MFHAS1: variants seen among roughly 807,000 people sequenced by gnomAD.
The protein encoded by MFHAS1 is multifunctional ROCO family signaling regulator 1.
MFHAS1 carries 50 observed loss-of-function variants against 70.4 expected under a neutral mutation model. That is an observed-to-expected ratio of 0.71 (90% CI 0.57 to 0.90). The LOEUF (loss-of-function observed/expected upper bound fraction) is 0.90. Among genes scored for constraint, MFHAS1 ranks in the 40% least tolerant of loss-of-function variants. MFHAS1 has a pLI of 0.00. For missense variants in MFHAS1, 1,795 were observed against 1,347.6 expected (o/e 1.33, Z -5.20); for synonymous variants, 952 against 620.0 (o/e 1.54, Z -7.96).
intron 1 of MFHAS1, among the ~76,000 whole-genome samples, chr8:8,883,777 G>T (rs1404281737): frequency 6.9e-6 from 1 of 144,626 alleles, no homozygotes; most frequent in Non-Finnish European, 1.5e-5. Context: ...TAGATGAGAA[G>T]AAAAACAGAA....
intron 1 of MFHAS1, among the ~76,000 whole-genome samples, chr8:8,864,061 T>C (rs1808766184): frequency 6.6e-6 from 1 of 152,182 alleles, no homozygotes; most frequent in South Asian, 2.1e-4. Flanking sequence ...TCCCACTATA[T>C]AAGCCCCCAA....
chr8:8,804,292 T>C (rs555114924), intron 1 of MFHAS1, among the ~76,000 whole-genome samples: 1 of 152,218 alleles, frequency 6.6e-6, no homozygotes, highest in Non-Finnish European at 1.5e-5. Context: ...AGGAATCCAC[T>C]GAGTTCTGGG....
At position 8,890,725 on chromosome 8, in the gene MFHAS1, T is replaced by C. The variant is rs1809971846; in HGVS notation, c.2334A>G (p.Glu778=). 6.8e-6 allele frequency: 11 copies of C among 1,613,712 alleles called. No homozygotes were observed. In the East Asian group the frequency reaches 2.5e-4, roughly 36 times the overall value. ...GATGGAGCTGGGTGGCCCGGAGCAGTTCCTGGCTGGGGGTGGACCGCGCCA... is the reference window on the plus strand; with the variant it reads ...GATGGAGCTGGGTGGCCCGGAGCAGCTCCTGGCTGGGGGTGGACCGCGCCA... The part of the protein sequence containing the change: ...PPMARSTPSQ[E]LLRATQLHQY... Residue 778 remains glutamate, a synonymous_variant, in exon 1 of 3, where the codon GAA becomes GAG. Transcript: ENST00000276282.
At chr8:8,888,256 G>C (rs73662205) in intron 1 of MFHAS1, among the ~76,000 whole-genome samples, 300 of 152,178 alleles carry the variant, frequency 2.0e-3, no homozygotes, top group African/African-American at 6.3e-3. Flanking sequence ...CTAGATCCAG[G>C]GCAACGGAAA....
chr8:8,822,420 G>A lies in MFHAS1; in HGVS notation c.2999-24929C>T, dbSNP rs552751831. Among the ~76,000 whole-genome samples, 4 of 151,538 alleles carry A rather than the reference G, an allele frequency of 2.6e-5. No homozygotes were observed. The South Asian group carries it at 8.4e-4, about 32-fold the overall frequency. On this transcript the variant is annotated intron_variant, in intron 1 of 2. Transcript: ENST00000276282. The stretch of plus-strand genomic sequence containing the variant: ...GGCAGGGGATGGAGCGGGAGACAGG[G>A]GACCACGCCAGGGGCACTGAGATGG...
In MFHAS1 at chr8:8,891,148, G is replaced by A; in HGVS notation, c.1911C>T (p.Arg637=). 6.2e-7 allele frequency: 1 copy of A among 1,613,690 alleles called. No homozygotes were observed. Among genetic ancestry groups the A allele is most frequent in the Non-Finnish European group, 8.5e-7 (1 of 1,180,042 alleles). The change falls in exon 1 of 3, where the codon CGC becomes CGT. Residue 637 remains arginine (R), a synonymous_variant. Transcript: ENST00000276282. The surrounding 1 kb of genome is among the most constrained non-coding windows in gnomAD (Gnocchi z 5.4). ...CAACTGACAGCAACTTGTCCCGAAG[G>A]CGTCGTAAGTGGCGCGGGTCCCTGC... ...VSCRDPRHLR[R]LRDKLLSVAE... is the part of the protein sequence containing the mutation.
intron 1 of MFHAS1, among the ~76,000 whole-genome samples, chr8:8,826,456 G>A (rs1427024901): frequency 2.0e-5 from 3 of 152,210 alleles, no homozygotes; most frequent in Non-Finnish European, 4.4e-5. Context: ...AGTTGGGCCA[G>A]GCATGGTGGC....
chr8:8,875,826 A>G (rs912971074), intron 1 of MFHAS1, among the ~76,000 whole-genome samples: 1 of 152,112 alleles, frequency 6.6e-6, no homozygotes, highest in Non-Finnish European at 1.5e-5. Context: ...TGACCTCGTG[A>G]TCCGCCCGCC....
rs34792841 is a variant in MFHAS1, at chr8:8,854,684, C to CA, written c.2998+35376dup. On this transcript the variant is annotated intron_variant, in intron 1 of 2. Transcript: ENST00000276282. ...TGGATGACAGAGGGGGACTTTGTCT[C>CA]AAAAAAAAAAAAAGGAAGAAAGAAA... Among the ~76,000 whole-genome samples, 200 of 139,998 alleles carry CA rather than the reference C, an allele frequency of 1.4e-3. 1 individual carries two copies. Among genetic ancestry groups the CA allele is most frequent in the Middle Eastern group, 3.8e-3 (1 of 264 alleles). The allele number at this position is 139,998 out of a possible 152,430, so 91.8% of individuals were successfully genotyped here.
chr8:8,829,843 T>C (rs550608854), intron 1 of MFHAS1, among the ~76,000 whole-genome samples: 3 of 152,284 alleles, frequency 2.0e-5, no homozygotes, highest in Admixed American at 6.5e-5. Context: ...TGAACAGAAC[T>C]GTCCACAAAT....
chr8:8,817,324 T>C (rs1806783920), intron 1 of MFHAS1, among the ~76,000 whole-genome samples: 3 of 152,190 alleles, frequency 2.0e-5, no homozygotes, highest in African/African-American at 7.2e-5. Context: ...ACCTCCAAGC[T>C]CTTTGTTAAT....
At chr8:8,799,545 C>T (rs1439260043) in intron 1 of MFHAS1, among the ~76,000 whole-genome samples, 1 of 152,166 alleles carries the variant, frequency 6.6e-6, no homozygotes, top group Non-Finnish European at 1.5e-5. Context: ...CGCTTGAGCC[C>T]AGGAGTTCAA....
chr8:8,820,453 G>C (rs1049194209), intron 1 of MFHAS1, among the ~76,000 whole-genome samples: 1 of 152,194 alleles, frequency 6.6e-6, no homozygotes, highest in East Asian at 1.9e-4. Context: ...AGTCAGGTTA[G>C]CGTGAGAATG....
chr8:8,830,899 T>C (rs1365173898), intron 1 of MFHAS1, among the ~76,000 whole-genome samples: 2 of 152,182 alleles, frequency 1.3e-5, no homozygotes, highest in East Asian at 1.9e-4. Flanking sequence ...GCCCAGCCAA[T>C]ATTCTCAGTA....
intron 1 of MFHAS1, among the ~76,000 whole-genome samples, chr8:8,881,807 C>G (rs1809535015): frequency 6.8e-6 from 1 of 146,036 alleles, no homozygotes; most frequent in Admixed American, 6.9e-5. Flanking sequence ...CAGAGTAAGA[C>G]TCCGTCTCAA....
intron 2 of MFHAS1, among the ~76,000 whole-genome samples, chr8:8,796,654 A>T: frequency 7.6e-6 from 1 of 132,230 alleles, no homozygotes; most frequent in Admixed American, 8.8e-5. Context: ...ACTGCACTCC[A>T]GCCTGGGCGA....
chr8:8,888,467 G>C (rs576188983), intron 1 of MFHAS1, among the ~76,000 whole-genome samples: 8 of 151,804 alleles, frequency 5.3e-5, no homozygotes, highest in Non-Finnish European at 8.8e-5. Flanking sequence ...TTGTGCTTAG[G>C]ACACTTGGAA....
rs758148321 is a variant in MFHAS1 at position 8,891,691 on chromosome 8, C to G, written c.1368G>C (p.Lys456Asn). The change falls in exon 1 of 3, where the codon AAG becomes AAC. Residue 456 changes from lysine to asparagine, a missense_variant. Transcript: ENST00000276282. This position sits in a 1 kb window ranked among gnomAD's most constrained non-coding sequence, Gnocchi z 5.4. ...CCGTCCAGCTGGTCACCTCGATGCC[C>G]TTGCTCACAGGGGGAGGTGACGGTG... The part of the protein sequence containing the change: ...CYPPSPPPVS[K>N]GIEVTSWTAD... 12 of 1,613,572 alleles carry G rather than the reference C, an allele frequency of 7.4e-6. No individual in the cohort carries two copies. The East Asian group carries it at 8.9e-5, about 12-fold the overall frequency.
intron 1 of MFHAS1, among the ~76,000 whole-genome samples, chr8:8,806,282 G>C (rs1381442305): frequency 1.3e-5 from 2 of 152,172 alleles, no homozygotes. Flanking sequence ...ACTGGGATGA[G>C]AGGCCAGGTA....
Sources: allele counts gnomAD v4.1 joint callset (sites outside exome capture counted in the v4.1 genomes callset), GRCh38; gene constraint gnomAD v4.1.1; non-coding constraint Gnocchi (gnomAD v3.1); transcripts MANE v1.5; gene names NCBI Gene and HGNC (gene_info 2026-07-23, HGNC 2026-07-21).